Variants in POU6F2 observed in about 807,000 individuals in gnomAD.
POU6F2 encodes POU class 6 homeobox 2, also known as POU domain, class 6, transcription factor 2.
A neutral mutation model predicts 71.3 loss-of-function variants in POU6F2; 31 were observed. That is an observed-to-expected ratio of 0.43 (90% confidence interval 0.33 to 0.59). The LOEUF (loss-of-function observed/expected upper bound fraction) is 0.59. Among genes scored for constraint, POU6F2 ranks in the 20% least tolerant of loss-of-function variants. The probability of loss-of-function intolerance (pLI) is 0.04; values close to 1 mark genes in which losing one functional copy is unlikely to be tolerated. For synonymous variants in POU6F2, 347 were observed against 355.7 expected (o/e 0.98, Z 0.27); for missense variants, 783 against 856.8 (o/e 0.91, Z 1.07).
At chr7:39,021,235 T>C (rs1327385706) in intron 1 of POU6F2, among the ~76,000 whole-genome samples, 1 of 152,010 alleles carries the variant, frequency 6.6e-6, no homozygotes, top group African/African-American at 2.4e-5. Context: ...ATTTATGTTA[T>C]GTGGTTATTT....
At chr7:39,381,332 G>C (rs1786824046) in intron 5 of POU6F2, among the ~76,000 whole-genome samples, 1 of 152,144 alleles carries the variant, frequency 6.6e-6, no homozygotes, top group South Asian at 2.1e-4. Context: ...CTGCCTCCCG[G>C]GTTCAAGCTA....
chr7:39,371,122 T>G (rs567396268), intron 5 of POU6F2, among the ~76,000 whole-genome samples: 1 of 151,692 alleles, frequency 6.6e-6, no homozygotes, highest in Non-Finnish European at 1.5e-5. Context: ...ATCTTTACAG[T>G]CAATGGAATC....
At chr7:39,336,419 T>C (rs1468059146) in intron 4 of POU6F2, among the ~76,000 whole-genome samples, 1 of 152,232 alleles carries the variant, frequency 6.6e-6, no homozygotes, top group African/African-American at 2.4e-5. Context: ...GTCTGGCTTC[T>C]TTCACTTAGT....
intron 1 of POU6F2, among the ~76,000 whole-genome samples, chr7:39,045,527 G>A (rs1274686201): frequency 6.6e-6 from 1 of 151,630 alleles, no homozygotes. Context: ...CTCACATTGG[G>A]ATGAGGCTCT....
intron 2 of POU6F2, among the ~76,000 whole-genome samples, chr7:39,130,290 A>T (rs553942018): frequency 3.4e-4 from 51 of 152,000 alleles, no homozygotes; most frequent in Non-Finnish European, 5.3e-4. Flanking sequence ...ATAATTACTC[A>T]CCACCCGGAA....
intron 5 of POU6F2, among the ~76,000 whole-genome samples, chr7:39,403,769 C>T (rs896649528): frequency 2.0e-5 from 3 of 152,204 alleles, no homozygotes; most frequent in African/African-American, 7.2e-5. Flanking sequence ...TATTTTAATG[C>T]ATATTACATC....
rs75238619 is a variant in POU6F2 at position 39,144,114 on chromosome 7, G to T, written c.277+58083G>T. ...GTACCTTTGAGGTGTCAGGCACTGAGAATACGAAATTGAACACAACTTGGG... is the reference window on the plus strand; with the variant it reads ...GTACCTTTGAGGTGTCAGGCACTGATAATACGAAATTGAACACAACTTGGG... On this transcript the variant is annotated intron_variant, in intron 2 of 9. Transcript: ENST00000518318. Among the ~76,000 whole-genome samples, 207 of 152,186 alleles carry T rather than the reference G, an allele frequency of 1.4e-3. 3 individuals are homozygous for T. In the South Asian group the frequency reaches 0.023, roughly 17 times the overall value.
intron 4 of POU6F2, among the ~76,000 whole-genome samples, chr7:39,305,097 C>G (rs1362579835): frequency 6.6e-6 from 1 of 152,176 alleles, no homozygotes; most frequent in Non-Finnish European, 1.5e-5. Context: ...TGCTAAAAGC[C>G]AATATGTAAC....
intron 7 of POU6F2, among the ~76,000 whole-genome samples, chr7:39,433,641 T>G (rs1184279863): frequency 6.6e-6 from 1 of 152,158 alleles, no homozygotes; most frequent in East Asian, 1.9e-4. Flanking sequence ...TAACTGTGAA[T>G]GAAAAAATTA....
At chr7:39,300,593 A>G (rs1476036660) in intron 4 of POU6F2, among the ~76,000 whole-genome samples, 3 of 151,888 alleles carry the variant, frequency 2.0e-5, no homozygotes, top group African/African-American at 7.3e-5. Flanking sequence ...CAAAGTCTGC[A>G]ATCGAGGTGT....
chr7:39,064,048 A>G (rs186515279), intron 1 of POU6F2, among the ~76,000 whole-genome samples: 12 of 152,278 alleles, frequency 7.9e-5, no homozygotes, highest in African/African-American at 2.9e-4. Flanking sequence ...GAACTAAGGG[A>G]AAGGAACATC....
intron 4 of POU6F2, among the ~76,000 whole-genome samples, chr7:39,307,369 A>C (rs1421765083): frequency 6.6e-6 from 1 of 152,230 alleles, no homozygotes; most frequent in Admixed American, 6.5e-5. Flanking sequence ...ACAACAAATT[A>C]CAAATGTAAA....
chr7:39,141,200 G>T (rs1792492751), intron 2 of POU6F2, among the ~76,000 whole-genome samples: 1 of 152,140 alleles, frequency 6.6e-6, no homozygotes, highest in Non-Finnish European at 1.5e-5. Flanking sequence ...GCGCATAAAA[G>T]CTCTCATTAT....
At chr7:39,002,728 T>C (rs1387258812) in intron 1 of POU6F2, among the ~76,000 whole-genome samples, 2 of 152,274 alleles carry the variant, frequency 1.3e-5, no homozygotes, top group African/African-American at 4.8e-5. Context: ...GGTAATTTAT[T>C]GATTTGATCA....
At chr7:39,397,812 G>T (rs957796805) in intron 5 of POU6F2, among the ~76,000 whole-genome samples, 15 of 78,484 alleles carry the variant, frequency 1.9e-4, no homozygotes, top group African/African-American at 7.8e-4. Context: ...TATATATTTT[G>T]TGTATATATA....
At chr7:38,994,835 GC>G (rs768002510) in intron 1 of POU6F2, among the ~76,000 whole-genome samples, 12 of 151,894 alleles carry the variant, frequency 7.9e-5, no homozygotes, top group Non-Finnish European at 8.8e-5. Context: ...CTAAAAACCT[GC>G]CATTTTGTAT....
chr7:39,069,164 A>G (rs1395970434), intron 1 of POU6F2, among the ~76,000 whole-genome samples: 1 of 152,234 alleles, frequency 6.6e-6, no homozygotes, highest in Non-Finnish European at 1.5e-5. Flanking sequence ...GCTCCTTGCC[A>G]GTGTCACCAC....
chr7:39,210,861 C>T (rs1310753546), intron 4 of POU6F2, among the ~76,000 whole-genome samples: 2 of 152,158 alleles, frequency 1.3e-5, no homozygotes, highest in African/African-American at 4.8e-5. Flanking sequence ...CATTAGGCAA[C>T]TCCCTGCCTT....
intron 2 of POU6F2, among the ~76,000 whole-genome samples, chr7:39,201,869 C>T (rs1793911557): frequency 6.6e-6 from 1 of 152,192 alleles, no homozygotes; most frequent in African/African-American, 2.4e-5. Context: ...GATTCCAGAG[C>T]CGCCTTCCAA....
Sources: gnomAD v4.1 joint callset for allele counts (sites outside exome capture counted in the v4.1 genomes callset) on GRCh38, gnomAD v4.1.1 for gene constraint, MANE v1.5 for transcripts, NCBI Gene and HGNC (gene_info 2026-07-23, HGNC 2026-07-21) for gene names.